Variants in CDC42SE2 observed in about 807,000 individuals in gnomAD.
The protein encoded by CDC42SE2 is CDC42 small effector protein 2.
CDC42SE2 carries 3 observed loss-of-function variants against 11.5 expected under a neutral mutation model. The observed-to-expected ratio is 0.26, with a 90% CI of 0.12 to 0.67. The LOEUF is 0.67. CDC42SE2 is among the 30% of genes least tolerant of loss of function. The pLI is 0.80. For missense variants in CDC42SE2, 82 were observed against 106.8 expected (o/e 0.77, Z 1.02); for synonymous variants, 33 against 34.8 (o/e 0.95, Z 0.18).
At chr5:131,257,626 C>CTGGT (rs1404563566) in intron 2 of CDC42SE2, among the ~76,000 whole-genome samples, 1 of 151,800 alleles carries the variant, frequency 6.6e-6, no homozygotes, top group Non-Finnish European at 1.5e-5. Flanking sequence ...TACAGGTGCG[C>CTGGT]ACCACCATGC....
intron 2 of CDC42SE2, among the ~76,000 whole-genome samples, chr5:131,334,315 C>T (rs1231954854): frequency 6.6e-6 from 1 of 152,090 alleles, no homozygotes; most frequent in Non-Finnish European, 1.5e-5. Flanking sequence ...GGAGGAAGCC[C>T]ACTTGATCAT....
chr5:131,301,276 G>A (rs1193730291), intron 1 of CDC42SE2, among the ~76,000 whole-genome samples: 2 of 151,928 alleles, frequency 1.3e-5, no homozygotes, highest in Non-Finnish European at 2.9e-5. Context: ...TCTATGGCCC[G>A]GGAGGATGAC....
intron 1 of CDC42SE2, among the ~76,000 whole-genome samples, chr5:131,313,136 C>T (rs564778962): frequency 2.6e-5 from 4 of 152,082 alleles, no homozygotes; most frequent in East Asian, 3.9e-4. Flanking sequence ...GTGCCTGCCA[C>T]GACGCCCGGC....
chr5:131,318,179 T>A (rs1295126043), intron 2 of CDC42SE2, among the ~76,000 whole-genome samples: 1 of 152,100 alleles, frequency 6.6e-6, no homozygotes, highest in Non-Finnish European at 1.5e-5. Flanking sequence ...GCTCAAGAGG[T>A]CTACCTGCGT....
intron 2 of CDC42SE2, among the ~76,000 whole-genome samples, chr5:131,338,217 A>G (rs984255895): frequency 6.6e-6 from 1 of 152,184 alleles, no homozygotes; most frequent in Non-Finnish European, 1.5e-5. Flanking sequence ...GCCAGTAGGC[A>G]CCTCTTGTTA....
intron 2 of CDC42SE2, among the ~76,000 whole-genome samples, chr5:131,355,680 C>A (rs961182675): frequency 6.6e-6 from 1 of 151,926 alleles, no homozygotes; most frequent in South Asian, 2.1e-4. Context: ...AATACCTGAA[C>A]TGAGTTAAGA....
intron 2 of CDC42SE2, among the ~76,000 whole-genome samples, chr5:131,350,949 A>G (rs1173624919): frequency 6.6e-6 from 1 of 151,886 alleles, no homozygotes; most frequent in Non-Finnish European, 1.5e-5. Flanking sequence ...ATTTTATTTT[A>G]TTTTATTTTA....
chr5:131,326,415 A>G lies in CDC42SE2; in HGVS notation c.-286+10271A>G, dbSNP rs184064323. Reference sequence around the variant, plus strand: ...TATCCCATTATTGTAAGATAATGCAATGTGTATGGTTATTGATCTTGTGTT... The same window carrying G: ...TATCCCATTATTGTAAGATAATGCAGTGTGTATGGTTATTGATCTTGTGTT... On this transcript the variant is annotated intron_variant, in intron 2 of 4. Coordinates refer to ENST00000505065, the MANE Select transcript of CDC42SE2 (RefSeq NM_001375635.1). Among the ~76,000 whole-genome samples the G allele has an allele frequency of 5.5e-3, 836 of 152,248 alleles. 4 individuals are homozygous for G. The highest frequency in any genetic ancestry group is 0.018 in the African/African-American group (750 of 41,540).
intron 3 of CDC42SE2, among the ~76,000 whole-genome samples, chr5:131,372,761 G>T (rs1750047599): frequency 6.6e-6 from 1 of 151,888 alleles, no homozygotes; most frequent in African/African-American, 2.4e-5. Context: ...TCCAGAGCTG[G>T]TACTTATTTA....
intron 1 of CDC42SE2, among the ~76,000 whole-genome samples, chr5:131,310,070 T>C (rs1236047940): frequency 6.6e-6 from 1 of 152,206 alleles, no homozygotes; most frequent in African/African-American, 2.4e-5. Context: ...TCCTGCTTTC[T>C]GTTGTGGGCA....
intron 3 of CDC42SE2, among the ~76,000 whole-genome samples, chr5:131,371,903 C>T (rs1415196333): frequency 6.6e-6 from 1 of 152,154 alleles, no homozygotes; most frequent in Non-Finnish European, 1.5e-5. Flanking sequence ...TTATTATCTG[C>T]CATTTTTACA....
intron 3 of CDC42SE2, among the ~76,000 whole-genome samples, chr5:131,380,499 C>T (rs1008758600): frequency 5.3e-5 from 8 of 152,146 alleles, no homozygotes; most frequent in Non-Finnish European, 1.0e-4. Flanking sequence ...TTTAAATGTC[C>T]ACATTGTGCC....
intron 2 of CDC42SE2, among the ~76,000 whole-genome samples, chr5:131,336,924 G>A (rs534418487): frequency 5.9e-5 from 9 of 152,092 alleles, no homozygotes; most frequent in African/African-American, 1.7e-4. Flanking sequence ...AACTTCCTCC[G>A]TTAGCACAGA....
chr5:131,340,189 T>C (rs1758679229), intron 2 of CDC42SE2, among the ~76,000 whole-genome samples: 1 of 152,208 alleles, frequency 6.6e-6, no homozygotes, highest in African/African-American at 2.4e-5. Flanking sequence ...TTTTGCTTTC[T>C]TTGGTTTCAG....
At chr5:131,295,773 C>T (rs996906781) in intron 1 of CDC42SE2, among the ~76,000 whole-genome samples, 12 of 151,880 alleles carry the variant, frequency 7.9e-5, no homozygotes, top group Non-Finnish European at 1.6e-4. Context: ...AGCTCCACCT[C>T]CCGGGTTCAC....
chr5:131,280,533 A>G (rs969725062), intron 1 of CDC42SE2, among the ~76,000 whole-genome samples: 9 of 152,246 alleles, frequency 5.9e-5, no homozygotes, highest in East Asian at 3.8e-4. Flanking sequence ...ATTAAAAACA[A>G]TGGTGTTTAT....
the CDC42SE2 span, among the ~76,000 whole-genome samples, chr5:131,238,416 T>C: frequency 2.7e-5 from 4 of 149,458 alleles, no homozygotes; most frequent in African/African-American, 1.0e-4. Flanking sequence ...GGCAGGAGAA[T>C]GGTGTGAACC....
In CDC42SE2 at chr5:131,389,554, C is replaced by T. The variant is rs571571063; in HGVS notation, c.157-1439C>T. 1.1e-3 allele frequency among the ~76,000 whole-genome samples: 160 copies of T among 152,274 alleles called. 2 individuals are homozygous for T. The South Asian group carries it at 0.032, about 30-fold the overall frequency. On this transcript the variant is annotated intron_variant, in intron 4 of 4. Coordinates refer to ENST00000505065, the MANE Select transcript of CDC42SE2 (RefSeq NM_001375635.1). The stretch of plus-strand genomic sequence containing the variant: ...TTGATCTAAATAAGCTATGCATTTT[C>T]TGTTTTGCCATTATGTTCTTTTACA...
chr5:131,245,648 T>C (rs772026546), intron 1 of CDC42SE2: 4 of 152,232 alleles, frequency 2.6e-5, no homozygotes, highest in Non-Finnish European at 5.9e-5. Flanking sequence ...TAAATTCTCC[T>C]GCATATTAGA....
Sources: allele counts gnomAD v4.1 joint callset (sites outside exome capture counted in the v4.1 genomes callset), GRCh38; gene constraint gnomAD v4.1.1; transcripts MANE v1.5; gene names NCBI Gene and HGNC (gene_info 2026-07-23, HGNC 2026-07-21).